KIAA1217: variants seen among roughly 807,000 people sequenced by gnomAD.
The protein encoded by KIAA1217 is sickle tail protein homolog.
In KIAA1217, 88 loss-of-function variants were observed where a neutral mutation model predicts 163.9. The ratio of observed to expected loss-of-function variants is 0.54; its 90% confidence interval spans 0.45 to 0.64. KIAA1217 has a LOEUF of 0.64. Among genes scored for constraint, KIAA1217 ranks in the 30% least tolerant of loss-of-function variants. The pLI is 0.00. For missense variants in KIAA1217, 2,372 were observed against 2,475.0 expected, an observed-to-expected ratio of 0.96 and a Z score of 0.88; for synonymous variants, 903 against 923.1, an observed-to-expected ratio of 0.98 and a Z score of 0.39.
At chr10:24,198,807 G>A (rs2067112592) in intron 2 of KIAA1217, among the ~76,000 whole-genome samples, 1 of 152,116 alleles carries the variant, frequency 6.6e-6, no homozygotes, top group African/African-American at 2.4e-5. Flanking sequence ...GCAAACTGGG[G>A]CTTAATAGTT....
intron 2 of KIAA1217, among the ~76,000 whole-genome samples, chr10:24,034,126 G>C (rs1468673513): frequency 6.6e-6 from 1 of 152,278 alleles, no homozygotes; most frequent in East Asian, 1.9e-4. Context: ...TATCCCACTT[G>C]ATTGTTGGAA....
chr10:24,273,109 A>G (rs1355058053), intron 2 of KIAA1217, among the ~76,000 whole-genome samples: 1 of 152,206 alleles, frequency 6.6e-6, no homozygotes, highest in African/African-American at 2.4e-5. Flanking sequence ...TGAGAGAGAG[A>G]AAAGATGGCA....
At chr10:23,699,770 A>G (rs1181308025) in intron 1 of KIAA1217, among the ~76,000 whole-genome samples, 2 of 152,164 alleles carry the variant, frequency 1.3e-5, no homozygotes, top group African/African-American at 2.4e-5. Flanking sequence ...GATTACAGGC[A>G]TGAGCCACTG....
intron 1 of KIAA1217, among the ~76,000 whole-genome samples, chr10:23,901,644 C>T (rs1841958744): frequency 6.6e-6 from 1 of 152,188 alleles, no homozygotes. Flanking sequence ...CATGGCGGCT[C>T]ATTCTTGTAG....
At chr10:23,911,903 A>G (rs1399751776) in intron 1 of KIAA1217, among the ~76,000 whole-genome samples, 2 of 152,104 alleles carry the variant, frequency 1.3e-5, no homozygotes, top group Non-Finnish European at 2.9e-5. Flanking sequence ...AGCACTGATT[A>G]TTTCAGATAA....
At chr10:24,032,793 A>T (rs2088124350) in intron 2 of KIAA1217, among the ~76,000 whole-genome samples, 1 of 152,192 alleles carries the variant, frequency 6.6e-6, no homozygotes, top group African/African-American at 2.4e-5. Flanking sequence ...TTATACGTTC[A>T]ATAATATCTC....
At chr10:23,900,809 A>C (rs1373910987) in intron 1 of KIAA1217, among the ~76,000 whole-genome samples, 1 of 152,086 alleles carries the variant, frequency 6.6e-6, no homozygotes, top group Non-Finnish European at 1.5e-5. Flanking sequence ...TTTAAATTCC[A>C]ACTGTATCAT....
At chr10:23,884,131 T>C (rs1412180115) in intron 1 of KIAA1217, among the ~76,000 whole-genome samples, 3 of 151,920 alleles carry the variant, frequency 2.0e-5, no homozygotes, top group African/African-American at 7.2e-5. Flanking sequence ...TGCCAAGGAA[T>C]GTAATTGCTG....
Position 24,479,113 on chromosome 10 carries a change from A to G in KIAA1217, c.1679+5053A>G, listed in dbSNP as rs997192255. Reference sequence around the variant, plus strand: ...AGAAAAGCAAACAACTTGAGTTTCTATTATGATTTTTGAGGCATGGTAGAC... The same window carrying G: ...AGAAAAGCAAACAACTTGAGTTTCTGTTATGATTTTTGAGGCATGGTAGAC... On this transcript the variant is annotated intron_variant, in intron 6 of 20. Coordinates refer to ENST00000376454, the MANE Select transcript of KIAA1217 (RefSeq NM_019590.5). Among the ~76,000 whole-genome samples the G allele has an allele frequency of 2.6e-5, 4 of 152,322 alleles. No individual in the cohort carries two copies. In the Middle Eastern group the frequency reaches 0.014, roughly 518 times the overall value.
chr10:24,133,823 C>T (rs1365969904), intron 2 of KIAA1217, among the ~76,000 whole-genome samples: 1 of 152,192 alleles, frequency 6.6e-6, no homozygotes, highest in Admixed American at 6.5e-5. Flanking sequence ...GACATCCATC[C>T]TAATTTCTGA....
chr10:24,424,274 C>A, intron 3 of KIAA1217, among the ~76,000 whole-genome samples: 1 of 152,220 alleles, frequency 6.6e-6, no homozygotes. Context: ...ATTTGAGGAA[C>A]ACACACACCC....
chr10:24,137,011 A>C (rs2063857315), intron 2 of KIAA1217, among the ~76,000 whole-genome samples: 1 of 152,242 alleles, frequency 6.6e-6, no homozygotes, highest in Admixed American at 6.5e-5. Context: ...GGTGGCTTGA[A>C]AGATGACGGT....
At chr10:23,896,053 T>C (rs1841680605) in intron 1 of KIAA1217, among the ~76,000 whole-genome samples, 3 of 149,252 alleles carry the variant, frequency 2.0e-5, no homozygotes, top group East Asian at 2.1e-4. Context: ...AATGACGAGT[T>C]AGTGGGTGCA....
chr10:24,540,233 AATTT>A (rs369475285), intron 17 of KIAA1217, among the ~76,000 whole-genome samples: 1,535 of 152,052 alleles, frequency 0.01, 14 homozygotes, highest in Non-Finnish European at 0.015. Context: ...GGATTTTTGA[AATTT>A]ATTTATTTAT....
intron 5 of KIAA1217, among the ~76,000 whole-genome samples, chr10:24,464,259 T>C (rs1204232192): frequency 6.6e-6 from 1 of 152,142 alleles, no homozygotes; most frequent in Non-Finnish European, 1.5e-5. Context: ...CTCCTGACAG[T>C]GAATTACTGC....
chr10:23,705,571 G>A (rs949730150), intron 1 of KIAA1217, among the ~76,000 whole-genome samples: 1 of 151,958 alleles, frequency 6.6e-6, no homozygotes, highest in African/African-American at 2.4e-5. Flanking sequence ...TTATTTATGG[G>A]GTCTTAATGT....
intron 5 of KIAA1217, among the ~76,000 whole-genome samples, chr10:24,454,234 G>A (rs1458453433): frequency 2.0e-5 from 3 of 152,212 alleles, no homozygotes; most frequent in Admixed American, 1.3e-4. Context: ...GGTCTCTCCA[G>A]ATAAAAGGTG....
chr10:24,466,162 A>G (rs1384419158), intron 5 of KIAA1217, among the ~76,000 whole-genome samples: 1 of 152,072 alleles, frequency 6.6e-6, no homozygotes. Flanking sequence ...CAAAGTGGGT[A>G]TTGGGTGCTG....
chr10:23,978,172 G>A (rs899617485), intron 1 of KIAA1217, among the ~76,000 whole-genome samples: 1 of 152,180 alleles, frequency 6.6e-6, no homozygotes, highest in African/African-American at 2.4e-5. Flanking sequence ...ATGAGGAATG[G>A]TTACTTCCTC....
Sources: allele counts gnomAD v4.1 joint callset (sites outside exome capture counted in the v4.1 genomes callset), GRCh38; gene constraint gnomAD v4.1.1; transcripts MANE v1.5; gene names NCBI Gene and HGNC (gene_info 2026-07-23, HGNC 2026-07-21).